Variants in CYFIP2 observed in about 807,000 individuals in gnomAD.
CYFIP2 encodes cytoplasmic FMR1-interacting protein 2.
CYFIP2 carries 29 observed loss-of-function variants against 158.7 expected under a neutral mutation model. The observed-to-expected ratio is 0.18, with a 90% confidence interval of 0.14 to 0.25. The LOEUF is 0.25. Among genes scored for constraint, CYFIP2 ranks in the 10% least tolerant of loss-of-function variants. CYFIP2 has a pLI of 1.00. For synonymous variants in CYFIP2, 585 were observed against 617.6 expected, an observed-to-expected ratio of 0.95 and a Z score of 0.78; for missense variants, 852 against 1,639.5, an observed-to-expected ratio of 0.52 and a Z score of 8.29.
intron 13 of CYFIP2, among the ~76,000 whole-genome samples, chr5:157,318,681 C>T (rs1329580796): frequency 1.3e-5 from 2 of 152,202 alleles, no homozygotes; most frequent in African/African-American, 4.8e-5. Context: ...TGTGTCTGCC[C>T]ACCATGGACC....
chr5:157,335,349 C>T (rs1581085931), intron 21 of CYFIP2, among the ~76,000 whole-genome samples: 1 of 152,326 alleles, frequency 6.6e-6, no homozygotes, highest in Non-Finnish European at 1.5e-5. Flanking sequence ...GTGATCTCAG[C>T]TCACTGCAAC....
chr5:157,305,554 A>T (rs2113904183), intron 8 of CYFIP2, among the ~76,000 whole-genome samples: 1 of 152,358 alleles, frequency 6.6e-6, no homozygotes, highest in East Asian at 1.9e-4. Flanking sequence ...TCTGTCTCCC[A>T]GGCTGGAGTG....
intron 23 of CYFIP2, among the ~76,000 whole-genome samples, chr5:157,358,010 C>T (rs892065218): frequency 2.0e-5 from 3 of 152,142 alleles, no homozygotes; most frequent in Non-Finnish European, 4.4e-5. Flanking sequence ...CCTCAGTTCC[C>T]TCATCTGTGA....
chr5:157,372,470 G>A (rs568907738), intron 26 of CYFIP2, among the ~76,000 whole-genome samples: 12 of 152,232 alleles, frequency 7.9e-5, no homozygotes, highest in Non-Finnish European at 1.5e-4. Context: ...AAGTTGAAGC[G>A]GGGGACATAA....
At chr5:157,298,157 G>A (rs947396041) in intron 5 of CYFIP2, among the ~76,000 whole-genome samples, 35 of 152,046 alleles carry the variant, frequency 2.3e-4, no homozygotes, top group African/African-American at 8.2e-4. Context: ...CTCTTTCTGG[G>A]TTACTTCAGT....
At chr5:157,392,147 A>T (rs190199029) in intron 30 of CYFIP2, among the ~76,000 whole-genome samples, 11 of 152,136 alleles carry the variant, frequency 7.2e-5, no homozygotes, top group Admixed American at 5.9e-4. Flanking sequence ...CATATTCTAG[A>T]TATTACTTAT....
intron 2 of CYFIP2, among the ~76,000 whole-genome samples, chr5:157,286,465 T>G (rs1580974369): frequency 6.7e-6 from 1 of 149,492 alleles, no homozygotes; most frequent in African/African-American, 2.4e-5. Context: ...TTATGGATAT[T>G]TTTCCATGAC....
At chr5:157,276,330 T>C (rs1467180059) in intron 1 of CYFIP2, among the ~76,000 whole-genome samples, 1 of 152,214 alleles carries the variant, frequency 6.6e-6, no homozygotes, top group Admixed American at 6.5e-5. Context: ...TGAGTGTTTT[T>C]ATCATGAAGG....
intron 9 of CYFIP2, among the ~76,000 whole-genome samples, chr5:157,308,321 AC>A (rs1187127394): frequency 3.3e-5 from 5 of 152,146 alleles, no homozygotes; most frequent in Admixed American, 3.3e-4. Flanking sequence ...ACAGCCTCTC[AC>A]CTGGTACACC....
chr5:157,308,634 T>C (rs567042196), intron 9 of CYFIP2, among the ~76,000 whole-genome samples: 1 of 152,146 alleles, frequency 6.6e-6, no homozygotes, highest in African/African-American at 2.4e-5. Context: ...ATGGAGGGCA[T>C]TAGATCGAGC....
intron 26 of CYFIP2, among the ~76,000 whole-genome samples, chr5:157,378,583 C>T (rs1765713402): frequency 6.6e-6 from 1 of 152,152 alleles, no homozygotes; most frequent in Non-Finnish European, 1.5e-5. Context: ...CAACGGGTGT[C>T]GAAGTGGAGT....
chr5:157,307,063 C>T (rs1490721970), intron 8 of CYFIP2, among the ~76,000 whole-genome samples: 1 of 152,106 alleles, frequency 6.6e-6, no homozygotes, highest in Non-Finnish European at 1.5e-5. Flanking sequence ...AGGAGCAAAA[C>T]AAGCCAGCAT....
intron 7 of CYFIP2, 103 bp from the exon 8 acceptor site, chr5:157,304,135 A>C: frequency 7.1e-7 from 1 of 1,410,218 alleles, no homozygotes; most frequent in South Asian, 1.4e-5. Context: ...ATTCCTGGCC[A>C]TCAGCGGGGA....
At chr5:157,337,542 C>T (rs1304462719) in intron 21 of CYFIP2, among the ~76,000 whole-genome samples, 3 of 152,212 alleles carry the variant, frequency 2.0e-5, no homozygotes, top group Admixed American at 1.3e-4. Context: ...ACCATTTCTG[C>T]ACACTTCAAC....
At chr5:157,291,747 A>G (rs1561695856) in intron 3 of CYFIP2, among the ~76,000 whole-genome samples, 1 of 152,224 alleles carries the variant, frequency 6.6e-6, no homozygotes, top group Non-Finnish European at 1.5e-5. Flanking sequence ...TGTCAATGAC[A>G]TTTGCTGCTG....
intron 1 of CYFIP2, among the ~76,000 whole-genome samples, chr5:157,281,349 A>G (rs925271184): frequency 6.6e-6 from 1 of 152,138 alleles, no homozygotes; most frequent in Non-Finnish European, 1.5e-5. Context: ...AAACAAGGAT[A>G]TTATCATTTT....
At chr5:157,312,178 A>G (rs887240985) in intron 11 of CYFIP2, among the ~76,000 whole-genome samples, 1 of 152,182 alleles carries the variant, frequency 6.6e-6, no homozygotes. Flanking sequence ...ACTCGTACTC[A>G]TAACGCTACC....
intron 14 of CYFIP2, 39 bp downstream of exon 14, chr5:157,319,967 A>G: frequency 1.2e-6 from 2 of 1,605,278 alleles, no homozygotes; most frequent in Non-Finnish European, 1.7e-6. Context: ...ATCAGACATA[A>G]GCATGCCAGG....
rs574422657 is a variant in CYFIP2 at position 157,300,914 on chromosome 5, C to A, written c.569+18C>A. On this transcript the variant is annotated intron_variant, in intron 6 of 30. Coordinates refer to ENST00000620254, the MANE Select transcript of CYFIP2 (RefSeq NM_001037333.3). ...TACAAGAGGTCAGGGCAACCTCCCCCTCTCCCCTTTCCCCATCCAGGCCCC... is the reference window on the plus strand; with the variant it reads ...TACAAGAGGTCAGGGCAACCTCCCCATCTCCCCTTTCCCCATCCAGGCCCC... 6 of 1,532,746 alleles carry A rather than the reference C, an allele frequency of 3.9e-6. No individual in the cohort carries two copies. Among genetic ancestry groups the A allele is most frequent in the South Asian group, 1.2e-5 (1 of 80,182 alleles). The allele number at this position is 1,532,746 out of a possible 1,614,324, so 94.9% of individuals were successfully genotyped here.
Sources: gnomAD v4.1 joint callset for allele counts (sites outside exome capture counted in the v4.1 genomes callset) on GRCh38, gnomAD v4.1.1 for gene constraint, MANE v1.5 for transcripts, NCBI Gene and HGNC (gene_info 2026-07-23, HGNC 2026-07-21) for gene names.